Variants in VPS13D observed in about 807,000 individuals in gnomAD.
VPS13D encodes the protein intermembrane lipid transfer protein VPS13D.
Under a neutral mutation model 461.9 loss-of-function variants are expected in VPS13D, and 187 were observed. The ratio of observed to expected loss-of-function variants is 0.40; its 90% confidence interval spans 0.36 to 0.46. The LOEUF (loss-of-function observed/expected upper bound fraction) is 0.46, where lower values mean the gene tolerates loss of function less well. VPS13D is among the 20% of genes least tolerant of loss of function. The pLI, the probability that VPS13D is intolerant of heterozygous loss-of-function variation, is 0.60. For synonymous variants in VPS13D, 1,951 were observed against 1,986.3 expected (o/e 0.98, Z 0.47); for missense variants, 4,711 against 5,364.9 (o/e 0.88, Z 3.81).
Position 12,461,955 on chromosome 1 carries a change from C to G in VPS13D, c.12662+1559C>G, listed in dbSNP as rs147073708. 1.7e-4 allele frequency among the ~76,000 whole-genome samples: 26 copies of G among 152,230 alleles called. No individual in the cohort carries two copies. In the East Asian group the frequency reaches 5.0e-3, roughly 29 times the overall value. On this transcript the variant is annotated intron_variant, in intron 67 of 69. Transcript: ENST00000620676. ...GCAGAAAGAATGTCTTTGAGAGGGACATTCTTGTCATTTTTATTAGTTGTT... is the reference window on the plus strand; with the variant it reads ...GCAGAAAGAATGTCTTTGAGAGGGAGATTCTTGTCATTTTTATTAGTTGTT...
intron 57 of VPS13D, among the ~76,000 whole-genome samples, chr1:12,382,028 T>C (rs192373133): frequency 1.1e-3 from 161 of 144,370 alleles, no homozygotes; most frequent in African/African-American, 4.1e-3. Flanking sequence ...TTCCTTCCTT[T>C]CTTTCTCTTT....
intron 30 of VPS13D, among the ~76,000 whole-genome samples, chr1:12,314,851 C>T (rs937069757): frequency 6.6e-6 from 1 of 152,216 alleles, no homozygotes. Flanking sequence ...TCAGACAGAT[C>T]TGGGCTGAAA....
At chr1:12,345,257 G>A in intron 42 of VPS13D, 117 bp from the exon 43 acceptor site, 6 of 1,270,150 alleles carry the variant, frequency 4.7e-6, no homozygotes, top group East Asian at 2.3e-5. Flanking sequence ...TCTCCAAAAG[G>A]TTTAGCCAAC....
chr1:12,476,547 T>C (rs1238950471), intron 67 of VPS13D, among the ~76,000 whole-genome samples: 1 of 152,242 alleles, frequency 6.6e-6, no homozygotes, highest in East Asian at 1.9e-4. Flanking sequence ...AGATGTGGCA[T>C]ATTATGACTA....
chr1:12,416,875 T>G, intron 65 of VPS13D, 48 bp downstream of exon 65: 1 of 1,530,896 alleles, frequency 6.5e-7, no homozygotes, highest in Non-Finnish European at 8.8e-7. Flanking sequence ...TCACGAGTCC[T>G]CTACAGTACT....
At chr1:12,230,934 C>A (rs1175447236) in intron 1 of VPS13D, among the ~76,000 whole-genome samples, 1 of 152,132 alleles carries the variant, frequency 6.6e-6, no homozygotes, top group Non-Finnish European at 1.5e-5. Context: ...GGGAGCGTCG[C>A]CTTCCGGGCA....
chr1:12,254,977 G>T (rs138777992), intron 7 of VPS13D, among the ~76,000 whole-genome samples: 1 of 149,008 alleles, frequency 6.7e-6, no homozygotes, highest in African/African-American at 2.5e-5. Context: ...ACGGCATCTC[G>T]CTCGGTTGCC....
intron 65 of VPS13D, among the ~76,000 whole-genome samples, chr1:12,438,334 G>A (rs886804577): frequency 1.3e-5 from 2 of 152,146 alleles, no homozygotes; most frequent in African/African-American, 4.8e-5. Flanking sequence ...GTGAAAAGAT[G>A]GCCATCTAGG....
chr1:12,241,006 G>C (rs958053054), intron 2 of VPS13D, among the ~76,000 whole-genome samples: 12 of 152,060 alleles, frequency 7.9e-5, no homozygotes, highest in African/African-American at 2.9e-4. Context: ...AGTTGTGTGA[G>C]TATAGCTCAC....
At chr1:12,470,216 C>G (rs185350456) in intron 67 of VPS13D, among the ~76,000 whole-genome samples, 1 of 152,212 alleles carries the variant, frequency 6.6e-6, no homozygotes, top group Non-Finnish European at 1.5e-5. Flanking sequence ...CCTCACTTCT[C>G]GTTATGAGGA....
intron 22 of VPS13D, among the ~76,000 whole-genome samples, chr1:12,288,620 ACT>A (rs954225907): frequency 2.1e-5 from 3 of 145,174 alleles, no homozygotes; most frequent in Non-Finnish European, 3.0e-5. Context: ...TTTTCAACAG[ACT>A]CTATCTAGGG....
chr1:12,397,191 C>T (rs1293105635), intron 60 of VPS13D, among the ~76,000 whole-genome samples: 5 of 152,312 alleles, frequency 3.3e-5, no homozygotes, highest in Middle Eastern at 3.4e-3. Flanking sequence ...ACCTTGGCCT[C>T]GCAGAGTGCT....
At chr1:12,313,551 G>A (rs1209063337) in intron 29 of VPS13D, among the ~76,000 whole-genome samples, 1 of 151,990 alleles carries the variant, frequency 6.6e-6, no homozygotes, top group African/African-American at 2.4e-5. Flanking sequence ...TAATGGTACC[G>A]AGTAATTATG....
chr1:12,335,223 C>A (rs923819706), intron 38 of VPS13D, among the ~76,000 whole-genome samples: 2 of 152,148 alleles, frequency 1.3e-5, no homozygotes, highest in African/African-American at 2.4e-5. Context: ...CACGCCACCA[C>A]GCCTACATAA....
intron 68 of VPS13D, among the ~76,000 whole-genome samples, chr1:12,506,259 C>G (rs192148427): frequency 6.6e-6 from 1 of 152,180 alleles, no homozygotes; most frequent in East Asian, 1.9e-4. Flanking sequence ...TTGGAGTGGC[C>G]CTAAAGCTCC....
chr1:12,500,868 G>A (rs1233916364), intron 68 of VPS13D, among the ~76,000 whole-genome samples: 1 of 150,888 alleles, frequency 6.6e-6, no homozygotes, highest in African/African-American at 2.4e-5. Flanking sequence ...TTCAAGACCA[G>A]CCTGAGCAAC....
At chr1:12,289,807 G>A (rs1205923954) in intron 22 of VPS13D, among the ~76,000 whole-genome samples, 1 of 152,086 alleles carries the variant, frequency 6.6e-6, no homozygotes, top group Non-Finnish European at 1.5e-5. Context: ...GTGATGGCCA[G>A]TGCCTGTAGT....
At chr1:12,298,772 C>T (rs982416777) in intron 24 of VPS13D, among the ~76,000 whole-genome samples, 2 of 151,968 alleles carry the variant, frequency 1.3e-5, no homozygotes, top group Non-Finnish European at 2.9e-5. Flanking sequence ...CCTTCTACTT[C>T]AGATTTAATT....
In VPS13D at chr1:12,509,320, T is replaced by C; in HGVS notation, c.*296T>C. 2.9e-6 allele frequency: 1 copy of C among 339,266 alleles called. No homozygotes were observed. Among genetic ancestry groups the C allele is most frequent in the Non-Finnish European group, 5.4e-6 (1 of 184,474 alleles). 21.0% of individuals were successfully genotyped at this position (339,266 alleles called of 1,614,324 possible). A position where few individuals can be genotyped will look rare whatever the true frequency, so the allele number is the denominator to read the frequency against. ...TAGATTGCCCTGTATTTTGTTAACA[T>C]GTATATATGTACAACAGTGTGTTTG... On this transcript the variant is annotated 3_prime_UTR_variant, in exon 70 of 70. Coordinates refer to ENST00000620676, the MANE Select transcript of VPS13D (RefSeq NM_015378.4).
Sources: gnomAD v4.1 joint callset for allele counts (sites outside exome capture counted in the v4.1 genomes callset) on GRCh38, gnomAD v4.1.1 for gene constraint, MANE v1.5 for transcripts, NCBI Gene and HGNC (gene_info 2026-07-23, HGNC 2026-07-21) for gene names.